The following VCL variants were observed in gnomAD, a reference collection of about 807,000 sequenced individuals.
VCL encodes epididymis luminal protein 114.
Under a neutral mutation model 125.7 loss-of-function variants are expected in VCL, and 47 were observed. The observed-to-expected ratio is 0.37, with a 90% CI of 0.30 to 0.48. The LOEUF (loss-of-function observed/expected upper bound fraction) is 0.48, where lower values mean the gene tolerates loss of function less well. VCL is among the 20% of genes least tolerant of loss of function. The pLI, the probability that VCL is intolerant of heterozygous loss-of-function variation, is 0.99. For synonymous variants in VCL, 458 were observed against 514.6 expected (o/e 0.89, Z 1.49); for missense variants, 1,069 against 1,455.5 (o/e 0.73, Z 4.32).
chr10:74,109,308 G>T, intron 18 of VCL, 152 bp downstream of exon 18: 1 of 970,656 alleles, frequency 1.0e-6, no homozygotes, highest in African/African-American at 1.6e-5. Flanking sequence ...CTTCTTACCT[G>T]TGCTTTAGTG....
At chr10:74,079,425 TG>T (rs1839642863) in intron 6 of VCL, among the ~76,000 whole-genome samples, 1 of 152,184 alleles carries the variant, frequency 6.6e-6, no homozygotes, top group Non-Finnish European at 1.5e-5. Flanking sequence ...CAAATGAAGG[TG>T]CAGTTTTTCT....
chr10:74,043,245 G>C, intron 2 of VCL, 92 bp downstream of exon 2: 1 of 1,161,256 alleles, frequency 8.6e-7, no homozygotes, highest in Non-Finnish European at 1.3e-6. Flanking sequence ...CTTTTTTTTG[G>C]TATAAAACTT....
intron 8 of VCL, among the ~76,000 whole-genome samples, chr10:74,088,324 A>G (rs1261194118): frequency 3.9e-5 from 6 of 152,228 alleles, no homozygotes; most frequent in African/African-American, 1.4e-4. Context: ...TAGTAATAGC[A>G]TATCATTTCT....
intron 5 of VCL, among the ~76,000 whole-genome samples, chr10:74,073,930 G>A (rs375650706): frequency 3.3e-5 from 5 of 152,296 alleles, no homozygotes; most frequent in African/African-American, 9.6e-5. Context: ...GGACATATGA[G>A]TATAAGAGTT....
intron 1 of VCL, among the ~76,000 whole-genome samples, chr10:74,042,526 T>G (rs1256380236): frequency 6.6e-6 from 1 of 152,210 alleles, no homozygotes; most frequent in Non-Finnish European, 1.5e-5. Context: ...CATTCAGCAT[T>G]ATATATTCTT....
rs975311063 is a variant in VCL at position 74,005,949 on chromosome 10, G to A, written c.168+7574G>A. ...CACCCAGGCTGGAGTGCAATTGCAC[G>A]ATCTCAGCTCACTGCAACCTCTGCC... is the stretch of plus-strand genomic sequence containing the variant. On this transcript the variant is annotated intron_variant, in intron 1 of 21. Coordinates refer to ENST00000211998, the MANE Select transcript of VCL (RefSeq NM_014000.3). Among the ~76,000 whole-genome samples the A allele has an allele frequency of 4.0e-5, 6 of 151,676 alleles. No individual in the cohort carries two copies. In the East Asian group the frequency reaches 1.2e-3, roughly 29 times the overall value.
intron 2 of VCL, among the ~76,000 whole-genome samples, chr10:74,053,004 T>C (rs1841334428): frequency 6.6e-6 from 1 of 151,232 alleles, no homozygotes; most frequent in African/African-American, 2.4e-5. Context: ...TAAAAGGATT[T>C]TGCATTTTTG....
chr10:74,069,453 C>G (rs112215948), intron 2 of VCL, among the ~76,000 whole-genome samples: 3,435 of 152,192 alleles, frequency 0.023, 66 homozygotes, highest in South Asian at 0.075. Flanking sequence ...TGTCCACAGC[C>G]CAGTGCTTTT....
In VCL at chr10:74,070,884, G is replaced by C. The variant is rs1426546664; in HGVS notation, c.390+64G>C. The C allele has an allele frequency of 1.7e-5, 27 of 1,612,158 alleles. No homozygotes were observed. In the Admixed American group the frequency reaches 4.5e-4, roughly 27 times the overall value. On this transcript the variant is annotated intron_variant, in intron 3 of 21. Coordinates refer to ENST00000211998, the MANE Select transcript of VCL (RefSeq NM_014000.3). ...ATAATGGAAGATTGATGATTGTTTAGAATGAAAATATGTTGAATGCTGCAC... is the reference window on the plus strand; with the variant it reads ...ATAATGGAAGATTGATGATTGTTTACAATGAAAATATGTTGAATGCTGCAC...
intron 5 of VCL, among the ~76,000 whole-genome samples, chr10:74,073,961 C>A (rs781335981): frequency 1.3e-5 from 2 of 152,184 alleles, no homozygotes; most frequent in Non-Finnish European, 2.9e-5. Context: ...GGCACAGTGG[C>A]TCACTCCTGT....
chr10:74,107,088 C>T, intron 16 of VCL, 142 bp from the exon 17 acceptor site: 1 of 1,360,544 alleles, frequency 7.3e-7, no homozygotes, highest in Middle Eastern at 2.5e-4. Flanking sequence ...GTCCTGCCTC[C>T]CCCCTTCTTC....
At chr10:74,015,447 G>C (rs1166116014) in intron 1 of VCL, among the ~76,000 whole-genome samples, 3 of 152,060 alleles carry the variant, frequency 2.0e-5, no homozygotes, top group Non-Finnish European at 4.4e-5. Context: ...CCAGCTACTC[G>C]GGAGACTGAG....
At chr10:74,053,802 G>A (rs1039195602) in intron 2 of VCL, among the ~76,000 whole-genome samples, 2 of 151,848 alleles carry the variant, frequency 1.3e-5, no homozygotes, top group Non-Finnish European at 1.5e-5. Context: ...GTAGAGACAG[G>A]GTTTCACTAT....
intron 1 of VCL, among the ~76,000 whole-genome samples, chr10:74,009,466 A>G (rs576861255): frequency 6.2e-4 from 93 of 150,836 alleles, no homozygotes; most frequent in Non-Finnish European, 1.0e-3. Context: ...TCACCATGTT[A>G]GCCAGGATGG....
At chr10:74,107,735 C>G (rs943082866) in intron 17 of VCL, among the ~76,000 whole-genome samples, 1 of 151,972 alleles carries the variant, frequency 6.6e-6, no homozygotes, top group Admixed American at 6.6e-5. Flanking sequence ...AATGGTAGAA[C>G]CGAGGTGGTT....
At chr10:74,093,990 C>T (rs932782206) in intron 10 of VCL, among the ~76,000 whole-genome samples, 1 of 152,154 alleles carries the variant, frequency 6.6e-6, no homozygotes, top group South Asian at 2.1e-4. Flanking sequence ...CAGAGGGTGC[C>T]GCTAACCTAG....
At chr10:74,002,248 C>A (rs1466965650) in intron 1 of VCL, among the ~76,000 whole-genome samples, 1 of 152,192 alleles carries the variant, frequency 6.6e-6, no homozygotes, top group Non-Finnish European at 1.5e-5. Context: ...GCCTCAGCCT[C>A]CCTAGTAGCT....
downstream of VCL, chr10:74,120,294 C>T (rs1840394725): frequency 6.6e-6 from 1 of 152,118 alleles, no homozygotes; most frequent in Non-Finnish European, 1.5e-5. Flanking sequence ...AAATGTTGCA[C>T]TGGAAGAAGA....
intron 19 of VCL, among the ~76,000 whole-genome samples, chr10:74,113,955 C>T (rs1332111760): frequency 6.6e-6 from 1 of 152,104 alleles, no homozygotes; most frequent in Non-Finnish European, 1.5e-5. Flanking sequence ...CTCCTCTCTC[C>T]TCTCTCTTTG....
Sources: allele counts gnomAD v4.1 joint callset (sites outside exome capture counted in the v4.1 genomes callset), GRCh38; gene constraint gnomAD v4.1.1; transcripts MANE v1.5; gene names NCBI Gene and HGNC (gene_info 2026-07-23, HGNC 2026-07-21).